ROBO2: variants seen among roughly 807,000 people sequenced by gnomAD.
ROBO2 encodes roundabout homolog 2.
In ROBO2, 53 loss-of-function variants were observed where a neutral mutation model predicts 160.8. That is an observed-to-expected ratio of 0.33 (90% CI 0.26 to 0.41). The LOEUF (loss-of-function observed/expected upper bound fraction) is 0.41, where lower values mean the gene tolerates loss of function less well. Ranked by LOEUF, ROBO2 falls within the 10% of genes least tolerant of loss-of-function variation. The pLI is 1.00. For missense variants in ROBO2, 1,577 were observed against 1,722.4 expected, an observed-to-expected ratio of 0.92 and a Z score of 1.49; for synonymous variants, 664 against 611.7, an observed-to-expected ratio of 1.09 and a Z score of -1.26.
At chr3:76,111,533 CA>C (rs1288041296) in intron 2 of ROBO2, among the ~76,000 whole-genome samples, 1 of 152,114 alleles carries the variant, frequency 6.6e-6, no homozygotes, top group Non-Finnish European at 1.5e-5. Context: ...TCAGGCCAGC[CA>C]GTGCCAGAAT....
At chr3:76,613,576 T>C (rs2088319615) in intron 2 of ROBO2, among the ~76,000 whole-genome samples, 1 of 151,856 alleles carries the variant, frequency 6.6e-6, no homozygotes, top group South Asian at 2.1e-4. Flanking sequence ...GAGAGCAATC[T>C]CCCTAAGTGC....
chr3:77,229,662 C>A (rs1216530754), intron 2 of ROBO2, among the ~76,000 whole-genome samples: 2 of 130,274 alleles, frequency 1.5e-5, no homozygotes, highest in African/African-American at 6.3e-5. Flanking sequence ...GTAAGACTGT[C>A]TCCAAAAAAA....
intron 2 of ROBO2, among the ~76,000 whole-genome samples, chr3:76,504,049 A>G (rs747426116): frequency 6.6e-6 from 1 of 152,236 alleles, no homozygotes; most frequent in Non-Finnish European, 1.5e-5. Flanking sequence ...TGTAAACAGA[A>G]TAGTCCTTTT....
chr3:76,450,526 G>A (rs952675280), intron 2 of ROBO2, among the ~76,000 whole-genome samples: 22 of 152,148 alleles, frequency 1.4e-4, no homozygotes, highest in Non-Finnish European at 2.8e-4. Flanking sequence ...ATGTTTCCCA[G>A]GCTAGTCACC....
At chr3:77,286,058 C>G (rs187445147) in intron 2 of ROBO2, among the ~76,000 whole-genome samples, 2 of 152,152 alleles carry the variant, frequency 1.3e-5, no homozygotes, top group Admixed American at 6.5e-5. Flanking sequence ...TTTGTGCAAA[C>G]TTTCATTATA....
At chr3:76,147,382 A>G (rs2071953349) in intron 2 of ROBO2, among the ~76,000 whole-genome samples, 1 of 151,544 alleles carries the variant, frequency 6.6e-6, no homozygotes, top group Non-Finnish European at 1.5e-5. Context: ...AATATTAATT[A>G]TCTTATTAAT....
intron 2 of ROBO2, among the ~76,000 whole-genome samples, chr3:76,451,848 A>G (rs1028898908): frequency 4.3e-4 from 66 of 152,274 alleles, no homozygotes; most frequent in African/African-American, 1.4e-3. Flanking sequence ...AAACTGGAAA[A>G]AGCTCCTCTT....
intron 2 of ROBO2, among the ~76,000 whole-genome samples, chr3:76,245,235 A>G (rs1350038171): frequency 6.6e-6 from 1 of 152,192 alleles, no homozygotes. Flanking sequence ...AATGCTTCAA[A>G]TATGTGGGTT....
At chr3:76,169,354 T>C (rs901341738) in intron 2 of ROBO2, among the ~76,000 whole-genome samples, 3 of 152,068 alleles carry the variant, frequency 2.0e-5, no homozygotes, top group Non-Finnish European at 2.9e-5. Flanking sequence ...CTGACAACAA[T>C]AACGGAGGCA....
At chr3:77,019,078 C>T (rs76709264) in intron 2 of ROBO2, among the ~76,000 whole-genome samples, 9 of 152,272 alleles carry the variant, frequency 5.9e-5, no homozygotes, top group Non-Finnish European at 8.8e-5. Context: ...GCATGGGTTT[C>T]GGGAACCTCA....
chr3:76,759,576 A>G (rs1045192934), intron 2 of ROBO2, among the ~76,000 whole-genome samples: 2 of 151,808 alleles, frequency 1.3e-5, no homozygotes, highest in Non-Finnish European at 2.9e-5. Flanking sequence ...AAATATATTC[A>G]TTAACTTGAT....
chr3:76,413,854 A>T (rs2075619200), intron 2 of ROBO2, among the ~76,000 whole-genome samples: 1 of 152,124 alleles, frequency 6.6e-6, no homozygotes. Flanking sequence ...TCTTTTCAGC[A>T]ATGCCCCACT....
At chr3:76,871,398 C>CAA (rs2072047512) in intron 2 of ROBO2, among the ~76,000 whole-genome samples, 1 of 150,902 alleles carries the variant, frequency 6.6e-6, no homozygotes, top group African/African-American at 2.4e-5. Flanking sequence ...ACTAAAAATA[C>CAA]AAAAAATTAG....
chr3:76,681,829 C>T (rs1340297329), intron 2 of ROBO2, among the ~76,000 whole-genome samples: 1 of 151,994 alleles, frequency 6.6e-6, no homozygotes, highest in East Asian at 1.9e-4. Context: ...ACTGTTGCAC[C>T]AACTTAATAC....
intron 2 of ROBO2, among the ~76,000 whole-genome samples, chr3:75,941,591 G>T (rs1367009649): frequency 6.6e-6 from 1 of 152,126 alleles, no homozygotes; most frequent in Non-Finnish European, 1.5e-5. Context: ...TTTTGAAGAA[G>T]CCAGTGGCGC....
intron 2 of ROBO2, among the ~76,000 whole-genome samples, chr3:76,343,421 A>G (rs925680981): frequency 1.3e-5 from 2 of 152,160 alleles, no homozygotes; most frequent in Middle Eastern, 3.4e-3. Context: ...ACAGGTGTCT[A>G]TCTGCATAAG....
intron 1 of ROBO2, among the ~76,000 whole-genome samples, chr3:77,053,926 A>G (rs2065462322): frequency 6.6e-6 from 1 of 152,176 alleles, no homozygotes; most frequent in Admixed American, 6.5e-5. Flanking sequence ...ATCCCAGTTT[A>G]AAGGTCATGC....
intron 2 of ROBO2, among the ~76,000 whole-genome samples, chr3:76,902,303 C>T (rs1231634479): frequency 1.3e-5 from 2 of 151,978 alleles, no homozygotes; most frequent in African/African-American, 2.4e-5. Flanking sequence ...TATAATACTA[C>T]ATTCTCTGTT....
intron 16 of ROBO2, among the ~76,000 whole-genome samples, chr3:77,581,758 G>A (rs915937936): frequency 6.6e-6 from 1 of 151,948 alleles, no homozygotes; most frequent in Non-Finnish European, 1.5e-5. Flanking sequence ...TTCAGTGGAA[G>A]GTTTTATCTC....
Sources: gnomAD v4.1 joint callset for allele counts (sites outside exome capture counted in the v4.1 genomes callset) on GRCh38, gnomAD v4.1.1 for gene constraint, MANE v1.5 for transcripts, NCBI Gene and HGNC (gene_info 2026-07-23, HGNC 2026-07-21) for gene names.